The following CACNB2 variants were observed in gnomAD, a reference collection of about 807,000 sequenced individuals.
CACNB2 encodes voltage-dependent L-type calcium channel subunit beta-2.
In CACNB2, 42 loss-of-function variants were observed where a neutral mutation model predicts 73.3. The ratio of observed to expected loss-of-function variants is 0.57; its 90% CI spans 0.45 to 0.74. The LOEUF (loss-of-function observed/expected upper bound fraction) is 0.74, where lower values mean the gene tolerates loss of function less well. Among genes scored for constraint, CACNB2 ranks in the 30% least tolerant of loss-of-function variants. CACNB2 has a pLI of 0.00. For missense variants in CACNB2, 940 were observed against 853.0 expected, an observed-to-expected ratio of 1.10 and a Z score of -1.27; for synonymous variants, 348 against 310.3, an observed-to-expected ratio of 1.12 and a Z score of -1.28.
At chr10:18,221,635 C>T (rs555436327) in intron 2 of CACNB2, among the ~76,000 whole-genome samples, 24 of 152,166 alleles carry the variant, frequency 1.6e-4, no homozygotes, top group Non-Finnish European at 2.4e-4. Flanking sequence ...GCTGAGATTG[C>T]GCCACTGCAC....
chr10:18,535,025 C>T (rs2053427844), intron 11 of CACNB2, among the ~76,000 whole-genome samples: 1 of 152,162 alleles, frequency 6.6e-6, no homozygotes, highest in Non-Finnish European at 1.5e-5. Flanking sequence ...AACTTGCAAG[C>T]TTCCCAATAA....
chr10:18,241,946 A>G (rs2036667272), intron 2 of CACNB2, among the ~76,000 whole-genome samples: 2 of 152,116 alleles, frequency 1.3e-5, no homozygotes, highest in Non-Finnish European at 2.9e-5. Flanking sequence ...AATAAACAAA[A>G]TATTCAAATA....
chr10:18,441,069 A>C (rs2046386656), intron 3 of CACNB2, among the ~76,000 whole-genome samples: 1 of 152,240 alleles, frequency 6.6e-6, no homozygotes, highest in Non-Finnish European at 1.5e-5. Context: ...TCAGGTGGCC[A>C]GTAGTTGAGG....
chr10:18,356,945 T>TTTTTTTTC (rs1564464226), intron 2 of CACNB2, among the ~76,000 whole-genome samples: 47 of 86,138 alleles, frequency 5.5e-4, no homozygotes, highest in Non-Finnish European at 8.8e-4. Flanking sequence ...TCAATTTCTT[T>TTTTTTTTC]TTTTTTTTTT....
intron 2 of CACNB2, among the ~76,000 whole-genome samples, chr10:18,190,165 G>A (rs1618660): frequency 2.6e-5 from 4 of 151,956 alleles, no homozygotes. Flanking sequence ...CATCCTCTGC[G>A]TGCTCTCAAT....
chr10:18,222,495 C>T (rs1305711973), intron 2 of CACNB2, among the ~76,000 whole-genome samples: 1 of 151,932 alleles, frequency 6.6e-6, no homozygotes, highest in Non-Finnish European at 1.5e-5. Flanking sequence ...TAAAGAGTTA[C>T]TATTTTTTGT....
chr10:18,215,678 A>G (rs2035481983), intron 2 of CACNB2, among the ~76,000 whole-genome samples: 1 of 152,146 alleles, frequency 6.6e-6, no homozygotes, highest in Non-Finnish European at 1.5e-5. Flanking sequence ...GATGTCCTGA[A>G]TATGTATTTT....
chr10:18,180,237 C>T (rs754244559), intron 2 of CACNB2, among the ~76,000 whole-genome samples: 46 of 152,158 alleles, frequency 3.0e-4, no homozygotes, highest in Non-Finnish European at 6.0e-4. Flanking sequence ...AATGACATAC[C>T]GCACATCACT....
intron 7 of CACNB2, 39 bp from the exon 8 acceptor site, chr10:18,518,297 T>C (rs1326481863): frequency 1.5e-6 from 2 of 1,335,984 alleles, no homozygotes; most frequent in Non-Finnish European, 2.2e-6. Flanking sequence ...ATGTTCTACC[T>C]GCCTGTGAAA....
At chr10:18,331,141 A>G (rs1486516087) in intron 2 of CACNB2, among the ~76,000 whole-genome samples, 2 of 151,960 alleles carry the variant, frequency 1.3e-5, no homozygotes, top group Non-Finnish European at 2.9e-5. Context: ...GTGCGCCACC[A>G]TGCCCAGCTA....
intron 7 of CACNB2, among the ~76,000 whole-genome samples, chr10:18,516,293 A>G (rs984653718): frequency 6.6e-6 from 1 of 152,144 alleles, no homozygotes; most frequent in African/African-American, 2.4e-5. Flanking sequence ...GTCATTCTTC[A>G]TAGGGCACAA....
chr10:18,233,457 C>G (rs1228051147), intron 2 of CACNB2, among the ~76,000 whole-genome samples: 3 of 151,530 alleles, frequency 2.0e-5, no homozygotes, highest in African/African-American at 7.3e-5. Context: ...TTTTTTCTCT[C>G]TCTCTCTATT....
intron 2 of CACNB2, among the ~76,000 whole-genome samples, chr10:18,223,818 A>G (rs907669035): frequency 9.2e-5 from 14 of 152,100 alleles, no homozygotes; most frequent in African/African-American, 3.4e-4. Flanking sequence ...CTATTGCAGA[A>G]ATTTTATTTT....
intron 2 of CACNB2, among the ~76,000 whole-genome samples, chr10:18,151,429 G>A (rs2031549497): frequency 2.0e-5 from 3 of 152,146 alleles, no homozygotes; most frequent in African/African-American, 2.4e-5. Flanking sequence ...TGAGGCTATC[G>A]AGGTTAAACA....
At chr10:18,298,852 T>A (rs1162058935) in intron 2 of CACNB2, among the ~76,000 whole-genome samples, 1 of 151,994 alleles carries the variant, frequency 6.6e-6, no homozygotes, top group Non-Finnish European at 1.5e-5. Flanking sequence ...CTGCAAAAAC[T>A]GCTGTATGGG....
intron 2 of CACNB2, among the ~76,000 whole-genome samples, chr10:18,174,756 T>G (rs905811495): frequency 2.0e-5 from 3 of 152,112 alleles, no homozygotes; most frequent in Non-Finnish European, 4.4e-5. Context: ...GATTCAAGTA[T>G]TACAGACAAG....
chr10:18,393,097 T>G (rs1022630030), intron 2 of CACNB2, among the ~76,000 whole-genome samples: 2 of 151,784 alleles, frequency 1.3e-5, no homozygotes, highest in Admixed American at 1.3e-4. Context: ...TAATCCCAAC[T>G]ACTCAGGAAG....
chr10:18,536,948 C>T (rs996646707), intron 12 of CACNB2, among the ~76,000 whole-genome samples: 1 of 152,194 alleles, frequency 6.6e-6, no homozygotes, highest in Non-Finnish European at 1.5e-5. Flanking sequence ...CACTTGTCGT[C>T]TATGCTTTAC....
At chr10:18,463,507 C>T (rs1483685059) in intron 3 of CACNB2, among the ~76,000 whole-genome samples, 1 of 152,162 alleles carries the variant, frequency 6.6e-6, no homozygotes. Context: ...TTCAACCTCC[C>T]AGGTTCAAGT....
Sources: allele counts gnomAD v4.1 joint callset (sites outside exome capture counted in the v4.1 genomes callset), GRCh38; gene constraint gnomAD v4.1.1; transcripts MANE v1.5; gene names NCBI Gene and HGNC (gene_info 2026-07-23, HGNC 2026-07-21).